TTC34: variants seen among roughly 807,000 people sequenced by gnomAD.
The protein encoded by TTC34 is tetratricopeptide repeat protein 34.
In TTC34, 44 loss-of-function variants were observed where a neutral mutation model predicts 40.7. That is an observed-to-expected ratio of 1.08 (90% confidence interval 0.85 to 1.39). The LOEUF is 1.39. Ranked by LOEUF, TTC34 falls within the 40% of genes most tolerant of loss-of-function variation. The pLI, the probability that TTC34 is intolerant of heterozygous loss-of-function variation, is 0.00. For synonymous variants in TTC34, 422 were observed against 398.6 expected (o/e 1.06, Z -0.70); for missense variants, 884 against 838.0 (o/e 1.05, Z -0.68).
At chr1:2,686,176 G>A (rs1208861136) in intron 6 of TTC34, among the ~76,000 whole-genome samples, 7 of 52,368 alleles carry the variant, frequency 1.3e-4, no homozygotes, top group South Asian at 5.6e-4. Flanking sequence ...GGTGAACATC[G>A]GAGAGTCTGG....
At chr1:2,750,252 G>T (rs1641271072) in intron 6 of TTC34, among the ~76,000 whole-genome samples, 1 of 149,188 alleles carries the variant, frequency 6.7e-6, no homozygotes, top group Non-Finnish European at 1.5e-5. Context: ...ACCCACAGGT[G>T]GGCATCTGAC....
At chr1:2,800,568 C>A (rs1643760949) in exon 2 of TTC34, 1 of 398,340 alleles carries the variant, frequency 2.5e-6, no homozygotes, top group Non-Finnish European at 4.4e-6. Context: ...GGCCAGCGAC[C>A]CTGTCAGGGA....
intron 6 of TTC34, among the ~76,000 whole-genome samples, chr1:2,767,767 C>G (rs980278093): frequency 1.3e-5 from 2 of 148,534 alleles, no homozygotes; most frequent in Admixed American, 6.7e-5. Flanking sequence ...CACCCTGCAC[C>G]CCCAGTTGAG....
intron 6 of TTC34, among the ~76,000 whole-genome samples, chr1:2,700,331 T>C (rs1323489275): frequency 1.7e-5 from 1 of 59,060 alleles, no homozygotes; most frequent in Non-Finnish European, 3.8e-5. Flanking sequence ...CAGCACCCAC[T>C]CCCGCAGGTG....
At chr1:2,677,134 ACGCGAGCATCTGACAGCCCGGAGC>A (rs1639934931) in intron 6 of TTC34, among the ~76,000 whole-genome samples, 1 of 51,230 alleles carries the variant, frequency 2.0e-5, no homozygotes, top group African/African-American at 5.6e-5. Context: ...CCACAGCCCC[ACGCGAGCATCTGACAGCCCGGAGC>A]AGTGACCACA....
chr1:2,691,571 C>T (rs78318828), intron 6 of TTC34, among the ~76,000 whole-genome samples: 73 of 66,448 alleles, frequency 1.1e-3, no homozygotes, highest in African/African-American at 2.4e-3. Context: ...CAGACTGGAA[C>T]AGCACCCACA....
At chr1:2,799,632 G>A (rs1643751556) in intron 2 of TTC34, among the ~76,000 whole-genome samples, 1 of 152,060 alleles carries the variant, frequency 6.6e-6, no homozygotes, top group Admixed American at 6.5e-5. Flanking sequence ...GAGGCCAGGA[G>A]GATCTAGCCC....
chr1:2,783,648 A>C lies in TTC34; in HGVS notation c.2187T>G (p.Cys729Trp), dbSNP rs969672563. The change falls in exon 6 of 9, where the codon TGT (cysteine) becomes TGG (tryptophan). Residue 729 changes from cysteine to tryptophan, a missense_variant. Coordinates refer to ENST00000401095, the Ensembl canonical transcript of TTC34. ...GGGCCAGGTGCACCAACGCCCGTCCACACAGTGCCTGCACGTTCCCCGGCT... is the reference window on the plus strand; with the variant it reads ...GGGCCAGGTGCACCAACGCCCGTCCCCACAGTGCCTGCACGTTCCCCGGCT... 30 of 1,486,550 alleles carry C rather than the reference A, an allele frequency of 2.0e-5. No homozygotes were observed. The African/African-American group carries it at 4.2e-4, about 21-fold the overall frequency. 92.1% of individuals were successfully genotyped at this position (1,486,550 alleles called of 1,614,324 possible). A position where few individuals can be genotyped will look rare whatever the true frequency, so the allele number is the denominator to read the frequency against.
chr1:2,772,985 C>A (rs1268560783), intron 6 of TTC34, among the ~76,000 whole-genome samples: 12 of 16,148 alleles, frequency 7.4e-4, no homozygotes, highest in African/African-American at 2.1e-3. Context: ...CACCCCCAGG[C>A]GAGCATCTGA....
At chr1:2,637,782 G>A (rs1638821114) in exon 9 of TTC34, 1 of 152,370 alleles carries the variant, frequency 6.6e-6, no homozygotes, top group East Asian at 1.9e-4. Flanking sequence ...CCATGGAAGA[G>A]TCCCTTGTTC....
intron 6 of TTC34, among the ~76,000 whole-genome samples, chr1:2,686,285 A>G (rs1640341601): frequency 3.3e-5 from 5 of 151,380 alleles, no homozygotes; most frequent in African/African-American, 9.8e-5. Flanking sequence ...CCACACCCCC[A>G]GGCGAGCATC....
chr1:2,751,778 A>C (rs1207123820), intron 6 of TTC34, among the ~76,000 whole-genome samples: 204 of 117,078 alleles, frequency 1.7e-3, no homozygotes, highest in South Asian at 3.2e-3. Flanking sequence ...CCCACAGGTG[A>C]GCATCTGACA....
At chr1:2,690,759 C>T (rs61765702) in intron 6 of TTC34, among the ~76,000 whole-genome samples, 4 of 50,544 alleles carry the variant, frequency 7.9e-5, no homozygotes, top group East Asian at 4.3e-4. Flanking sequence ...GAGCATCTGA[C>T]AGCCTGGAAC....
intron 6 of TTC34, among the ~76,000 whole-genome samples, chr1:2,769,885 A>ATCT (rs1642014484): frequency 1.2e-5 from 1 of 80,944 alleles, no homozygotes; most frequent in Non-Finnish European, 2.3e-5. Context: ...CCAGTTGAGT[A>ATCT]GCTGACATCC....
In TTC34 at chr1:2,645,298, G is replaced by T; in HGVS notation, c.2492C>A (p.Ala831Glu). The T allele has an allele frequency of 6.7e-7, 1 of 1,490,486 alleles. No individual in the cohort carries two copies. 92.3% of individuals were successfully genotyped at this position (1,490,486 alleles called of 1,614,324 possible). A position where few individuals can be genotyped will look rare whatever the true frequency, so the allele number is the denominator to read the frequency against. Residue 831 changes from alanine to glutamate, a missense_variant, in exon 7 of 9, where the codon GCA (alanine) becomes GAA (glutamate). By Grantham distance (107) the Ala-to-Glu change is moderately radical. Coordinates refer to ENST00000401095, the Ensembl canonical transcript of TTC34. The surrounding 1 kb of genome is among the most constrained non-coding windows in gnomAD (Gnocchi z 4.7). Reference sequence around the variant, plus strand: ...ACCTTGGGGCCGCCGCATACCCTGTGCCATGAGAATGTCTGCCAGGAGGAG... The same window carrying T: ...ACCTTGGGGCCGCCGCATACCCTGTTCCATGAGAATGTCTGCCAGGAGGAG...
chr1:2,800,858 C>T lies in TTC34; in HGVS notation c.-31G>A, dbSNP rs115979676. ...GGACCCCGACGGGCCCATGTCTGGT[C>T]CTCAGAGTACCTGGGGGTGGGGGAG... On this transcript the variant is annotated 5_prime_UTR_variant, in exon 2 of 9. Transcript: ENST00000401095. The T allele has an allele frequency of 3.3e-3, 1,323 of 398,578 alleles. 15 individuals carry two copies. Among genetic ancestry groups the T allele is most frequent in the African/African-American group, 0.024 (1,194 of 48,738 alleles). 24.7% of individuals were successfully genotyped at this position (398,578 alleles called of 1,614,324 possible).
chr1:2,695,108 C>A (rs868807657), intron 6 of TTC34, among the ~76,000 whole-genome samples: 1 of 135,544 alleles, frequency 7.4e-6, no homozygotes, highest in Non-Finnish European at 1.7e-5. Flanking sequence ...GGAACAGCAC[C>A]CATACGCCAA....
chr1:2,647,569 G>C (rs550271734), intron 6 of TTC34, among the ~76,000 whole-genome samples: 1 of 152,352 alleles, frequency 6.6e-6, no homozygotes, highest in African/African-American at 2.4e-5. Flanking sequence ...AGGAGGTGGA[G>C]GTTGCGGTGA....
chr1:2,688,584 T>A (rs1640480989), intron 6 of TTC34, among the ~76,000 whole-genome samples: 1 of 134,764 alleles, frequency 7.4e-6, no homozygotes, highest in East Asian at 2.2e-4. Flanking sequence ...CCGGCGCGCA[T>A]CCGACAGCCT....
Sources: gnomAD v4.1 joint callset for allele counts (sites outside exome capture counted in the v4.1 genomes callset) on GRCh38, gnomAD v4.1.1 for gene constraint, Gnocchi (gnomAD v3.1) non-coding constraint, MANE v1.5 for transcripts, NCBI Gene and HGNC (gene_info 2026-07-23, HGNC 2026-07-21) for gene names.